The following SNX29 variants were observed in gnomAD, a reference collection of about 807,000 sequenced individuals.
SNX29 encodes the protein sorting nexin-29.
In SNX29, 78 loss-of-function variants were observed where a neutral mutation model predicts 102.1. That is an observed-to-expected ratio of 0.76 (90% confidence interval 0.64 to 0.92). The LOEUF (loss-of-function observed/expected upper bound fraction) is 0.92. Among genes scored for constraint, SNX29 ranks in the 40% least tolerant of loss-of-function variants. The pLI is 0.00. For missense variants in SNX29, 1,280 were observed against 1,061.7 expected, an observed-to-expected ratio of 1.21 and a Z score of -2.86; for synonymous variants, 580 against 414.5, an observed-to-expected ratio of 1.40 and a Z score of -4.85.
chr16:12,144,271 T>C (rs1305170712), intron 13 of SNX29, among the ~76,000 whole-genome samples: 3 of 152,204 alleles, frequency 2.0e-5, no homozygotes, highest in Non-Finnish European at 2.9e-5. Context: ...TTGAAAAATA[T>C]AAAGAATAGT....
rs2141601545 is a variant in SNX29 at position 12,573,925 on chromosome 16, G to GA, written c.*5297dup. The GA allele has an allele frequency of 4.9e-6, 1 of 202,670 alleles. No homozygotes were observed. The highest frequency in any genetic ancestry group is 1.0e-5 in the Non-Finnish European group (1 of 98,616). 12.6% of individuals were successfully genotyped at this position (202,670 alleles called of 1,614,324 possible). On this transcript the variant is annotated 3_prime_UTR_variant, in exon 21 of 21. Transcript: ENST00000566228. ...TTACTCACCTGACACCGACTTCTTA[G>GA]AGAAGCGAGTCTTTTTTGAATGGAG...
chr16:12,117,704 C>T (rs983999561), intron 11 of SNX29, among the ~76,000 whole-genome samples: 1 of 152,160 alleles, frequency 6.6e-6, no homozygotes, highest in Non-Finnish European at 1.5e-5. Flanking sequence ...GTGATGGTTG[C>T]ACAACATTTT....
At chr16:12,337,944 C>G (rs2081501911) in intron 15 of SNX29, among the ~76,000 whole-genome samples, 1 of 152,228 alleles carries the variant, frequency 6.6e-6, no homozygotes, top group South Asian at 2.1e-4. Context: ...CCATGGCCCT[C>G]TCACAGCCGC....
intron 3 of SNX29, among the ~76,000 whole-genome samples, chr16:12,013,500 A>AAAAAAAATATATATATATATAT: frequency 1.3e-4 from 4 of 31,622 alleles, no homozygotes; most frequent in Non-Finnish European, 2.5e-4. Flanking sequence ...AAAAAAAAAA[A>AAAAAAAATATATATATATATAT]ATATATATAT....
rs532081870 is a variant in SNX29 at position 12,559,221 on chromosome 16, A to G, written c.2319-9285A>G. On this transcript the variant is annotated intron_variant, in intron 20 of 20. Transcript: ENST00000566228. ...GGTGAGCAGCGCTTCGTCTGTATTT[A>G]CAGCCACTCCCCATCACTCGCATCA... Among the ~76,000 whole-genome samples the G allele has an allele frequency of 2.9e-3, 445 of 152,130 alleles. 1 individual carries two copies. The highest frequency in any genetic ancestry group is 5.3e-3 in the Non-Finnish European group (362 of 67,992).
rs773153626 is a variant in SNX29 at position 12,048,598 on chromosome 16, C to T, written c.726C>T (p.Val242=). 16 of 1,613,870 alleles carry T rather than the reference C, an allele frequency of 9.9e-6. No homozygotes were observed. The highest frequency in any genetic ancestry group is 2.7e-5 in the African/African-American group (2 of 74,992). The change falls in exon 7 of 21, where the codon GTC becomes GTT. Residue 242 remains valine (V), a synonymous_variant. Coordinates refer to ENST00000566228, the MANE Select transcript of SNX29 (RefSeq NM_032167.5). Reference sequence around the variant, plus strand: ...AACAGGAGACCGACCCCTTGCCTGTCGTGTCCAGGAATGTCAGTGCTGGTG... The same window carrying T: ...AACAGGAGACCGACCCCTTGCCTGTTGTGTCCAGGAATGTCAGTGCTGGTG... ...KPEQETDPLP[V]VSRNVSADAK... is the part of the protein sequence containing the mutation.
chr16:12,178,436 G>A (rs1242694781), intron 13 of SNX29, among the ~76,000 whole-genome samples: 1 of 152,184 alleles, frequency 6.6e-6, no homozygotes, highest in Non-Finnish European at 1.5e-5. Flanking sequence ...GCAACCCTCA[G>A]TCAGGACGGC....
At chr16:12,531,603 G>T (rs1012587466) in intron 20 of SNX29, among the ~76,000 whole-genome samples, 3 of 152,208 alleles carry the variant, frequency 2.0e-5, no homozygotes, top group Admixed American at 1.3e-4. Context: ...GGTGAGAGTT[G>T]AGTAGGTGAC....
At chr16:12,215,342 T>C (rs2142068783) in intron 14 of SNX29, among the ~76,000 whole-genome samples, 1 of 150,056 alleles carries the variant, frequency 6.7e-6, no homozygotes, top group South Asian at 2.1e-4. Context: ...AGAAGGTGTA[T>C]AATGGGGCCA....
At chr16:12,148,307 T>C (rs577512467) in intron 13 of SNX29, among the ~76,000 whole-genome samples, 36 of 152,158 alleles carry the variant, frequency 2.4e-4, no homozygotes, top group South Asian at 4.1e-4. Context: ...AATGGCGACC[T>C]AGCGTGGGAT....
intron 14 of SNX29, among the ~76,000 whole-genome samples, chr16:12,262,859 C>T (rs1488251572): frequency 6.6e-6 from 1 of 152,226 alleles, no homozygotes; most frequent in Non-Finnish European, 1.5e-5. Flanking sequence ...CACTGTCCAA[C>T]TCCAGAACAT....
rs190770959 is a variant in SNX29, at chr16:12,064,717, C to T, written c.1243+3071C>T. 5.2e-3 allele frequency among the ~76,000 whole-genome samples: 793 copies of T among 152,334 alleles called. 9 individuals are homozygous for T. Among genetic ancestry groups the T allele is most frequent in the African/African-American group, 0.018 (751 of 41,584 alleles). ...TCAAGTCCCTTCTGTCCTGATGCCCCATTTCCATGGGAGGTGTGGGGCCGA... is the reference window on the plus strand; with the variant it reads ...TCAAGTCCCTTCTGTCCTGATGCCCTATTTCCATGGGAGGTGTGGGGCCGA... On this transcript the variant is annotated intron_variant, in intron 9 of 20. Coordinates refer to ENST00000566228, the MANE Select transcript of SNX29 (RefSeq NM_032167.5).
chr16:12,032,633 A>G (rs557134172), intron 4 of SNX29, among the ~76,000 whole-genome samples: 2 of 152,214 alleles, frequency 1.3e-5, no homozygotes, highest in East Asian at 3.9e-4. Context: ...TGCTGTGAAT[A>G]TGAAGATACA....
rs752948268 is a variant in SNX29, at chr16:12,043,038, G to A, written c.389G>A (p.Arg130His). The A allele has an allele frequency of 1.3e-5, 21 of 1,613,358 alleles. No homozygotes were observed. The highest frequency in any genetic ancestry group is 3.3e-5 in the Admixed American group (2 of 59,992). Residue 130 changes from arginine (R) to histidine (H), a missense_variant, in exon 5 of 21, where the codon CGC becomes CAC. Transcript: ENST00000566228. ...RCALNEHSLE[R>H]YLHMLLADRC... ...GCCCTCAACGAACACTCCCTGGAGC[G>A]CTACCTGCACATGCTCCTGGCCGAC... is the stretch of plus-strand genomic sequence containing the variant.
At position 12,331,403 on chromosome 16, in the gene SNX29, A is replaced by G. The variant is rs77974517; in HGVS notation, c.1783-24760A>G. 2.2e-4 allele frequency among the ~76,000 whole-genome samples: 34 copies of G among 152,332 alleles called. No individual in the cohort carries two copies. The East Asian group carries it at 6.2e-3, about 28-fold the overall frequency. On this transcript the variant is annotated intron_variant, in intron 15 of 20. Coordinates refer to ENST00000566228, the MANE Select transcript of SNX29 (RefSeq NM_032167.5). ...TTCATTTTTACCTGGTCTTATTCCA[A>G]AAAGCATTTGAAGCAGCATAGCGTA... is the stretch of plus-strand genomic sequence containing the variant.
At chr16:12,221,098 A>G (rs1186056258) in intron 14 of SNX29, among the ~76,000 whole-genome samples, 8 of 151,724 alleles carry the variant, frequency 5.3e-5, no homozygotes, top group Admixed American at 4.6e-4. Flanking sequence ...TATGAATCGT[A>G]TGATGAAGTT....
At chr16:12,314,441 C>T (rs900062853) in intron 15 of SNX29, among the ~76,000 whole-genome samples, 4 of 152,356 alleles carry the variant, frequency 2.6e-5, no homozygotes, top group East Asian at 3.9e-4. Context: ...CTCTTGGCTC[C>T]GTGACTTCCT....
intron 14 of SNX29, among the ~76,000 whole-genome samples, chr16:12,268,455 T>G (rs148069829): frequency 2.6e-4 from 40 of 152,342 alleles, no homozygotes; most frequent in African/African-American, 9.6e-4. Flanking sequence ...TTGCCCGTGT[T>G]TCTCCCTTTG....
At chr16:12,203,798 C>T (rs2076977748) in intron 14 of SNX29, among the ~76,000 whole-genome samples, 1 of 152,186 alleles carries the variant, frequency 6.6e-6, no homozygotes, top group South Asian at 2.1e-4. Context: ...GAAGAGATTC[C>T]CCTGCTAGGA....
Sources: gnomAD v4.1 joint callset for allele counts (sites outside exome capture counted in the v4.1 genomes callset) on GRCh38, gnomAD v4.1.1 for gene constraint, MANE v1.5 for transcripts, NCBI Gene and HGNC (gene_info 2026-07-23, HGNC 2026-07-21) for gene names.